The following C10orf90 variants were observed in gnomAD, a reference collection of about 807,000 sequenced individuals.
C10orf90 encodes the protein chromosome 10 open reading frame 90, also known as (E2-independent) E3 ubiquitin-conjugating enzyme FATS.
A neutral mutation model predicts 62.5 loss-of-function variants in C10orf90; 56 were observed. The ratio of observed to expected loss-of-function variants is 0.90; its 90% confidence interval spans 0.72 to 1.12. The LOEUF (loss-of-function observed/expected upper bound fraction) is 1.12, where lower values mean the gene tolerates loss of function less well. Ranked by LOEUF, C10orf90 falls within the 50% of genes most tolerant of loss-of-function variation. The pLI is 0.00. For missense variants in C10orf90, 970 were observed against 880.4 expected (o/e 1.10, Z -1.29); for synonymous variants, 386 against 340.4 (o/e 1.13, Z -1.47).
intron 3 of C10orf90, among the ~76,000 whole-genome samples, chr10:126,508,928 G>A (rs946754229): frequency 6.6e-6 from 1 of 152,134 alleles, no homozygotes; most frequent in East Asian, 1.9e-4. Context: ...GAACAACAGG[G>A]ATGGGAAATA....
In C10orf90 at chr10:126,643,211, G is replaced by T. The variant is rs1055936044; in HGVS notation, c.313+3354C>A. Among the ~76,000 whole-genome samples the T allele has an allele frequency of 3.9e-5, 6 of 152,296 alleles. No individual in the cohort carries two copies. In the East Asian group the frequency reaches 1.2e-3, roughly 29 times the overall value. On this transcript the variant is annotated intron_variant, in intron 2 of 9. Coordinates refer to ENST00000488181, the MANE Select transcript of C10orf90 (RefSeq NM_001350921.2). The stretch of plus-strand genomic sequence containing the variant: ...TATTTTGGCTTAATGCCATTGAAAA[G>T]CTTTCTAAAAATCCCTGCTGTGTGA...
chr10:126,565,269 T>TACATATTATGGA (rs1844337918), intron 2 of C10orf90, among the ~76,000 whole-genome samples: 1 of 64,010 alleles, frequency 1.6e-5, no homozygotes, highest in African/African-American at 6.3e-5. Context: ...ATATTTATAT[T>TACATATTATGGA]ATATATTATA....
At chr10:126,452,928 G>A (rs1859299029) in intron 7 of C10orf90, among the ~76,000 whole-genome samples, 1 of 152,192 alleles carries the variant, frequency 6.6e-6, no homozygotes, top group Admixed American at 6.5e-5. Context: ...TGGAGAATGA[G>A]AGCCTTGAGA....
chr10:126,536,929 C>T (rs1197228622), intron 2 of C10orf90, among the ~76,000 whole-genome samples: 1 of 152,118 alleles, frequency 6.6e-6, no homozygotes, highest in African/African-American at 2.4e-5. Flanking sequence ...ATAGGAACAC[C>T]TGAGATTAAA....
chr10:126,565,280 T>TTA (rs1235097291), intron 2 of C10orf90, among the ~76,000 whole-genome samples: 3 of 68,472 alleles, frequency 4.4e-5, no homozygotes, highest in Non-Finnish European at 7.6e-5. Flanking sequence ...ATATATTATA[T>TTA]TATATATTAT....
At chr10:126,566,590 G>T (rs1257399668) in intron 2 of C10orf90, among the ~76,000 whole-genome samples, 1 of 152,174 alleles carries the variant, frequency 6.6e-6, no homozygotes, top group Non-Finnish European at 1.5e-5. Context: ...AAGGCAAAGG[G>T]TATTCCAAGG....
chr10:126,490,679 A>T (rs1402285722), intron 4 of C10orf90, among the ~76,000 whole-genome samples: 2 of 152,188 alleles, frequency 1.3e-5, no homozygotes, highest in Non-Finnish European at 2.9e-5. Flanking sequence ...AGAACTAGGC[A>T]TAAAAGGAAA....
chr10:126,560,580 C>T (rs1470152398), intron 2 of C10orf90, among the ~76,000 whole-genome samples: 2 of 152,154 alleles, frequency 1.3e-5, no homozygotes, highest in African/African-American at 2.4e-5. Flanking sequence ...AAATGTAACC[C>T]TACTAAGAGA....
intron 4 of C10orf90, among the ~76,000 whole-genome samples, chr10:126,466,073 C>T (rs893724991): frequency 5.9e-5 from 9 of 152,074 alleles, no homozygotes; most frequent in African/African-American, 1.9e-4. Flanking sequence ...ATGCCCTATA[C>T]GTTTTTTAAA....
chr10:126,521,099 C>G (rs1160291040), intron 2 of C10orf90, among the ~76,000 whole-genome samples: 9 of 152,192 alleles, frequency 5.9e-5, no homozygotes, highest in Admixed American at 4.6e-4. Context: ...TACCGTGCAT[C>G]CTTTTCATGC....
At chr10:126,444,904 A>G (rs567186027) in intron 7 of C10orf90, among the ~76,000 whole-genome samples, 1 of 152,296 alleles carries the variant, frequency 6.6e-6, no homozygotes, top group Admixed American at 6.5e-5. Context: ...AAAGCAAACA[A>G]AAACATAAAG....
rs1040279210 is a variant in C10orf90, at chr10:126,453,999, C to T, written c.2188+5041G>A. On this transcript the variant is annotated intron_variant, in intron 7 of 9. Transcript: ENST00000488181. The surrounding 1 kb of genome is among the most constrained non-coding windows in gnomAD (Gnocchi z 4.9). ...GGGTGAGGGATGGAATCCAGGGAGGCTCTGAAGCTGGGCCCCCAGCCTAGA... is the reference window on the plus strand; with the variant it reads ...GGGTGAGGGATGGAATCCAGGGAGGTTCTGAAGCTGGGCCCCCAGCCTAGA... Among the ~76,000 whole-genome samples the T allele has an allele frequency of 6.6e-6, 1 of 152,064 alleles. No homozygotes were observed. Among genetic ancestry groups the T allele is most frequent in the African/African-American group, 2.4e-5 (1 of 41,382 alleles).
intron 2 of C10orf90, among the ~76,000 whole-genome samples, chr10:126,545,558 G>A (rs1397765425): frequency 6.6e-6 from 1 of 152,130 alleles, no homozygotes; most frequent in Non-Finnish European, 1.5e-5. Flanking sequence ...TCCCAAGATG[G>A]TTGCAGAATC....
intron 1 of C10orf90, among the ~76,000 whole-genome samples, chr10:126,648,508 GCAATACTTAT>G (rs770998977): frequency 1.3e-5 from 2 of 152,164 alleles, no homozygotes; most frequent in Non-Finnish European, 2.9e-5. Flanking sequence ...ACTATATCTG[GCAATACTTAT>G]ATAGCCATTA....
At chr10:126,496,261 G>A (rs1179275527) in intron 4 of C10orf90, among the ~76,000 whole-genome samples, 1 of 151,842 alleles carries the variant, frequency 6.6e-6, no homozygotes, top group African/African-American at 2.4e-5. Flanking sequence ...GTTACTCAGA[G>A]AAAAAACAAA....
chr10:126,482,816 G>A (rs1198277543), intron 4 of C10orf90, among the ~76,000 whole-genome samples: 1 of 152,198 alleles, frequency 6.6e-6, no homozygotes, highest in African/African-American at 2.4e-5. Flanking sequence ...CTTTCTCTGA[G>A]GTTAGAAGAG....
intron 2 of C10orf90, among the ~76,000 whole-genome samples, chr10:126,532,860 G>GAAAAAAAAAAAAAAAAAAAAAAAA (rs1864138275): frequency 5.0e-5 from 1 of 19,966 alleles, no homozygotes; most frequent in Non-Finnish European, 1.5e-4. Flanking sequence ...AAAAAAAATA[G>GAAAAAAAAAAAAAAAAAAAAAAAA]TGAGCACAAA....
chr10:126,474,184 G>A (rs2133778007), intron 4 of C10orf90, among the ~76,000 whole-genome samples: 1 of 152,264 alleles, frequency 6.6e-6, no homozygotes. Flanking sequence ...TACATGGCCT[G>A]TGCAAGCCCG....
At chr10:126,526,394 A>G (rs1292258585) in intron 2 of C10orf90, among the ~76,000 whole-genome samples, 1 of 151,520 alleles carries the variant, frequency 6.6e-6, no homozygotes, top group Admixed American at 6.6e-5. Flanking sequence ...ACAGGCACCC[A>G]CCACCACACC....
Sources: gnomAD v4.1 joint callset for allele counts (sites outside exome capture counted in the v4.1 genomes callset) on GRCh38, gnomAD v4.1.1 for gene constraint, Gnocchi (gnomAD v3.1) non-coding constraint, MANE v1.5 for transcripts, NCBI Gene and HGNC (gene_info 2026-07-23, HGNC 2026-07-21) for gene names.